OSBP: variants seen among roughly 807,000 people sequenced by gnomAD.
OSBP encodes oxysterol binding protein.
Under a neutral mutation model 96.6 loss-of-function variants are expected in OSBP, and 32 were observed. The observed-to-expected ratio is 0.33, with a 90% CI of 0.25 to 0.45. The LOEUF (loss-of-function observed/expected upper bound fraction) is 0.45, where lower values mean the gene tolerates loss of function less well. Ranked by LOEUF, OSBP falls within the 20% of genes least tolerant of loss-of-function variation. The pLI is 1.00. For missense variants in OSBP, 653 were observed against 1,029.7 expected (o/e 0.63, Z 5.01); for synonymous variants, 369 against 389.6 (o/e 0.95, Z 0.62).
chr11:59,581,920 T>G (rs1183707308), intron 9 of OSBP, among the ~76,000 whole-genome samples: 1 of 152,258 alleles, frequency 6.6e-6, no homozygotes, highest in Non-Finnish European at 1.5e-5. Context: ...ATTGGTAGTC[T>G]GTACCGGGAC....
chr11:59,580,335 T>A lies in OSBP; in HGVS notation c.1783-66A>T, dbSNP rs528630942. ...ATTCAATGTCTGCCAAACCCATGGT[T>A]CATAATTCTTTACTTTTCAATCTTA... On this transcript the variant is annotated intron_variant, in intron 10 of 13. Coordinates refer to ENST00000263847, the MANE Select transcript of OSBP (RefSeq NM_002556.3). The A allele has an allele frequency of 3.1e-6, 3 of 983,476 alleles. No individual in the cohort carries two copies. The South Asian group carries it at 3.9e-5, about 13-fold the overall frequency. 60.9% of individuals were successfully genotyped at this position (983,476 alleles called of 1,614,324 possible).
At chr11:59,601,435 G>T in intron 4 of OSBP, 50 bp from the exon 5 acceptor site, 3 of 1,355,174 alleles carry the variant, frequency 2.2e-6, no homozygotes, top group African/African-American at 1.4e-5. Context: ...TTTACCAAAT[G>T]TCTGATATAG....
chr11:59,614,231 G>A (rs1480071470), intron 1 of OSBP, among the ~76,000 whole-genome samples: 1 of 152,202 alleles, frequency 6.6e-6, no homozygotes, highest in Non-Finnish European at 1.5e-5. Flanking sequence ...AACAGAAGTA[G>A]TTTCAAATCC....
intron 9 of OSBP, among the ~76,000 whole-genome samples, chr11:59,588,887 C>A (rs1860537255): frequency 6.6e-6 from 1 of 151,820 alleles, no homozygotes; most frequent in Admixed American, 6.6e-5. Context: ...CGCCTGTAGT[C>A]CCAGCTACTC....
In OSBP at chr11:59,605,498, C is replaced by T. The variant is rs181098352; in HGVS notation, c.822+2986G>A. Among the ~76,000 whole-genome samples, 119 of 152,166 alleles carry T rather than the reference C, an allele frequency of 7.8e-4. 3 individuals are homozygous for T. The East Asian group carries it at 0.019, about 25-fold the overall frequency. On this transcript the variant is annotated intron_variant, in intron 3 of 13. Coordinates refer to ENST00000263847, the MANE Select transcript of OSBP (RefSeq NM_002556.3). The stretch of plus-strand genomic sequence containing the variant: ...TACGATCTCAGCTCACTGCAACCTC[C>T]GCCTCCTGGGTTCAAGTGATTCTCA...
In OSBP at chr11:59,615,607, G is replaced by C; in HGVS notation, c.58C>G (p.Leu20Val). 1 of 1,379,570 alleles carries C rather than the reference G, an allele frequency of 7.2e-7. No individual in the cohort carries two copies. Among genetic ancestry groups the C allele is most frequent in the Non-Finnish European group, 9.4e-7 (1 of 1,064,682 alleles). The allele number at this position is 1,379,570 out of a possible 1,614,324, so 85.5% of individuals were successfully genotyped here. Residue 20 changes from leucine (L) to valine (V), a missense_variant, in exon 1 of 14, where the codon CTT becomes GTT. Leu to Val is a conservative substitution (Grantham distance 32, BLOSUM62 1). Transcript: ENST00000263847. ...VGPGPAAIAALGGGGAGPPVV... is the reference protein window; with the variant it reads ...VGPGPAAIAAVGGGGAGPPVV... ...GGGGGACCGGCGCCGCCGCCGCCAA[G>C]TGCTGCAATGGCTGCCGGGCCTGGC... is the stretch of plus-strand genomic sequence containing the variant.
Position 59,600,892 on chromosome 11 carries a change from C to T in OSBP, c.1125-19G>A. On this transcript the variant is annotated intron_variant, in intron 5 of 13. Transcript: ENST00000263847. The stretch of plus-strand genomic sequence containing the variant: ...AGTACGTCTGTACAGATGGGAAACA[C>T]AGGAGAATTAGAACAAAGACCAGAA... The T allele has an allele frequency of 1.2e-6, 2 of 1,609,488 alleles. No individual in the cohort carries two copies. The highest frequency in any genetic ancestry group is 1.7e-6 in the Non-Finnish European group (2 of 1,175,892).
intron 3 of OSBP, among the ~76,000 whole-genome samples, chr11:59,604,834 G>A (rs1410181305): frequency 4.0e-5 from 6 of 150,970 alleles, no homozygotes; most frequent in African/African-American, 1.5e-4. Flanking sequence ...CAGCCTGGGT[G>A]AGAGAGCAAT....
chr11:59,610,305 T>C, intron 2 of OSBP, 76 bp downstream of exon 2: 1 of 1,221,502 alleles, frequency 8.2e-7, no homozygotes, highest in Non-Finnish European at 1.2e-6. Flanking sequence ...TGACACAGCA[T>C]AATGATGACA....
In OSBP at chr11:59,615,353, G is replaced by A. The variant is rs201025061; in HGVS notation, c.312C>T (p.Gly104=). The change falls in exon 1 of 14, where the codon GGC becomes GGT. Residue 104 remains glycine, a synonymous_variant. Coordinates refer to ENST00000263847, the MANE Select transcript of OSBP (RefSeq NM_002556.3). ...TCAGCACGAACCATCGCCGCTGGTA[G>A]CCTTTGATATAATTGGTCCATTTGA... ...WLFKWTNYIK[G]YQRRWFVLSN... is the part of the protein sequence containing the mutation. 23 of 1,607,564 alleles carry A rather than the reference G, an allele frequency of 1.4e-5. No individual in the cohort carries two copies. The East Asian group carries it at 2.0e-4, about 14-fold the overall frequency.
At chr11:59,588,489 T>C (rs1164109387) in intron 9 of OSBP, among the ~76,000 whole-genome samples, 1 of 148,632 alleles carries the variant, frequency 6.7e-6, no homozygotes, top group African/African-American at 2.5e-5. Context: ...TGAGCTGAGA[T>C]CATGCCACTG....
At position 59,578,163 on chromosome 11, in the gene OSBP, T is replaced by C. The variant is rs1223673618; in HGVS notation, c.2046A>G (p.Lys682=). 6.2e-7 allele frequency: 1 copy of C among 1,614,100 alleles called. No homozygotes were observed. Among genetic ancestry groups the C allele is most frequent in the Non-Finnish European group, 8.5e-7 (1 of 1,180,052 alleles). Residue 682 remains lysine (K), a synonymous_variant, in exon 12 of 14, where the codon AAA becomes AAG. Transcript: ENST00000263847. ...EAEESRVMLW[K]RNPLPKNAEN... ...CTGATACTCACGGTAAAGGATTCCT[T>C]TTCCACAGCATGACCCTGCTTTCCT... is the stretch of plus-strand genomic sequence containing the variant.
At chr11:59,610,774 C>T (rs1860833723) in intron 1 of OSBP, among the ~76,000 whole-genome samples, 185 bp from the exon 2 acceptor site, 1 of 151,592 alleles carries the variant, frequency 6.6e-6, no homozygotes, top group Admixed American at 6.6e-5. Flanking sequence ...CCTTCAGAGC[C>T]TATAAGTGTT....
chr11:59,591,575 C>G (rs1565116741), intron 9 of OSBP, among the ~76,000 whole-genome samples: 1 of 149,824 alleles, frequency 6.7e-6, no homozygotes, highest in East Asian at 2.0e-4. Flanking sequence ...ATTTTTTGGT[C>G]TTTTTTTGTA....
chr11:59,602,288 C>A (rs1470119762), intron 3 of OSBP, among the ~76,000 whole-genome samples: 2 of 152,182 alleles, frequency 1.3e-5, no homozygotes, highest in Admixed American at 6.5e-5. Context: ...AGAATCCACA[C>A]TGAGGTAGAC....
intron 3 of OSBP, among the ~76,000 whole-genome samples, chr11:59,604,758 GGAGT>G (rs991521371): frequency 6.6e-6 from 1 of 151,838 alleles, no homozygotes; most frequent in Non-Finnish European, 1.5e-5. Flanking sequence ...AGAAGGCTGA[GGAGT>G]GAGACTCACT....
intron 9 of OSBP, among the ~76,000 whole-genome samples, chr11:59,590,515 T>C (rs975981330): frequency 6.6e-6 from 1 of 152,220 alleles, no homozygotes; most frequent in Admixed American, 6.5e-5. Flanking sequence ...GTCTATCTCA[T>C]AGAATTATTG....
intron 3 of OSBP, among the ~76,000 whole-genome samples, chr11:59,604,633 C>T (rs1860758030): frequency 6.6e-6 from 1 of 151,856 alleles, no homozygotes; most frequent in Non-Finnish European, 1.5e-5. Context: ...ACCCAAGAGG[C>T]GGAGGTTACA....
At chr11:59,600,370 T>G (rs754123684) in intron 7 of OSBP, 126 bp downstream of exon 7, 1 of 982,214 alleles carries the variant, frequency 1.0e-6, no homozygotes, top group Non-Finnish European at 1.5e-6. Flanking sequence ...CAGTTTATGA[T>G]TATAAAGGTA....
Sources: gnomAD v4.1 joint callset for allele counts (sites outside exome capture counted in the v4.1 genomes callset) on GRCh38, gnomAD v4.1.1 for gene constraint, MANE v1.5 for transcripts, NCBI Gene and HGNC (gene_info 2026-07-23, HGNC 2026-07-21) for gene names.